Variants in ZFYVE26 observed in about 807,000 individuals in gnomAD.
The protein encoded by ZFYVE26 is zinc finger FYVE-type containing 26.
In ZFYVE26, 181 loss-of-function variants were observed where a neutral mutation model predicts 276.5. That is an observed-to-expected ratio of 0.65 (90% CI 0.58 to 0.74). The LOEUF (loss-of-function observed/expected upper bound fraction) is 0.74. Ranked by LOEUF, ZFYVE26 falls within the 30% of genes least tolerant of loss-of-function variation. ZFYVE26 has a pLI of 0.00. For missense variants in ZFYVE26, 2,821 were observed against 3,097.9 expected, an observed-to-expected ratio of 0.91 and a Z score of 2.12; for synonymous variants, 1,129 against 1,203.1, an observed-to-expected ratio of 0.94 and a Z score of 1.27.
Position 67,807,703 on chromosome 14 carries a change from A to G in ZFYVE26, c.581T>C (p.Val194Ala). 6.2e-7 allele frequency: 1 copy of G among 1,614,174 alleles called. No homozygotes were observed. The highest frequency in any genetic ancestry group is 8.5e-7 in the Non-Finnish European group (1 of 1,180,030). Residue 194 changes from valine to alanine, a missense_variant, in exon 5 of 42, where the codon GTG (valine) becomes GCG (alanine). Val to Ala is a moderately conservative substitution (Grantham distance 64). Transcript: ENST00000347230. The part of the protein sequence containing the change: ...LCHWPLQNAL[V>A]DLIRKALRAL... Reference sequence around the variant, plus strand: ...CCGCAATGCCTTTCGAATGAGGTCCACCAGTGCATTCTGCAGAGGCCAGTG... The same window carrying G: ...CCGCAATGCCTTTCGAATGAGGTCCGCCAGTGCATTCTGCAGAGGCCAGTG...
At chr14:67,752,641 G>T in intron 39 of ZFYVE26, 115 bp from the exon 40 acceptor site, 2 of 1,152,684 alleles carry the variant, frequency 1.7e-6, no homozygotes, top group South Asian at 1.3e-5. Context: ...ATTGATTGTG[G>T]TCACAGTAGA....
chr14:67,754,254 C>G (rs769697397), intron 37 of ZFYVE26, 42 bp from the exon 38 acceptor site: 2 of 1,613,646 alleles, frequency 1.2e-6, no homozygotes, highest in Admixed American at 3.3e-5. Flanking sequence ...CATGAGGGGC[C>G]CCAGGTGACT....
intron 13 of ZFYVE26, chr14:67,729,913 A>T (rs976500960): frequency 4.6e-6 from 2 of 431,184 alleles, no homozygotes; most frequent in African/African-American, 2.0e-5. Context: ...GCCCAGGGTG[A>T]AATCTCTTTC....
chr14:67,797,950 C>T (rs1339909483), intron 11 of ZFYVE26, 64 bp downstream of exon 11: 3 of 1,611,618 alleles, frequency 1.9e-6, no homozygotes, highest in Non-Finnish European at 2.5e-6. Context: ...TAGCTCTCTC[C>T]CATATTCCTG....
intron 9 of ZFYVE26, 114 bp downstream of exon 9, chr14:67,803,987 C>T: frequency 1.4e-6 from 2 of 1,442,756 alleles, no homozygotes; most frequent in Non-Finnish European, 9.7e-7. Context: ...GAGACCTCCT[C>T]ACCACCCTCT....
At chr14:67,789,766 T>C (rs565077704) in intron 15 of ZFYVE26, among the ~76,000 whole-genome samples, 168 bp from the exon 16 acceptor site, 2 of 152,140 alleles carry the variant, frequency 1.3e-5, no homozygotes, top group Non-Finnish European at 2.9e-5. Context: ...TTCAAAACAG[T>C]GGCATGAAAG....
At chr14:67,805,861 T>G (rs2040169634) in intron 6 of ZFYVE26, among the ~76,000 whole-genome samples, 2 of 152,096 alleles carry the variant, frequency 1.3e-5, no homozygotes, top group South Asian at 4.1e-4. Context: ...AAACCCTATC[T>G]CTACTAAAAA....
At position 67,762,219 on chromosome 14, in the gene ZFYVE26, C is replaced by G; in HGVS notation, c.6353G>C (p.Arg2118Thr). The G allele has an allele frequency of 6.2e-7, 1 of 1,614,168 alleles. No homozygotes were observed. Among genetic ancestry groups the G allele is most frequent in the South Asian group, 1.1e-5 (1 of 91,074 alleles). Reference protein sequence around the residue: ...DVVEYLESTVRPFVSLQDDDY... With the variant: ...DVVEYLESTVTPFVSLQDDDY... The stretch of plus-strand genomic sequence containing the variant: ...TGCTCTTACCAAGGATACAAAGGGC[C>G]TCACTGTGGACTCTAGGTACTCAAC... The change falls in exon 34 of 42, where the codon AGG (arginine) becomes ACG (threonine). Residue 2118 changes from arginine (R) to threonine (T), a missense_variant. Transcript: ENST00000347230.
Position 67,815,811 on chromosome 14 carries a change from T to G in ZFYVE26, c.153A>C (p.Glu51Asp). The change falls in exon 2 of 42, where the codon GAA becomes GAC. Residue 51 changes from glutamate to aspartate, a missense_variant. Transcript: ENST00000347230. Reference sequence around the variant, plus strand: ...ACACCACCAATGCCTGAAGTATGTCTTCTACCCTCTTTGGGATATCCCCTT... The same window carrying G: ...ACACCACCAATGCCTGAAGTATGTCGTCTACCCTCTTTGGGATATCCCCTT... ...EGQGDIPKRVEDILQALVVCP... is the reference protein window; with the variant it reads ...EGQGDIPKRVDDILQALVVCP... The G allele has an allele frequency of 6.2e-7, 1 of 1,613,914 alleles. No individual in the cohort carries two copies. Among genetic ancestry groups the G allele is most frequent in the Non-Finnish European group, 8.5e-7 (1 of 1,180,036 alleles).
chr14:67,784,166 C>T (rs1290810946), intron 20 of ZFYVE26, among the ~76,000 whole-genome samples, 168 bp downstream of exon 20: 2 of 152,096 alleles, frequency 1.3e-5, no homozygotes. Context: ...AGAGAGAAAG[C>T]AGGAAACAAG....
Position 67,805,562 on chromosome 14 carries a change from A to C in ZFYVE26, c.1074T>G (p.Leu358=). Reference sequence around the variant, plus strand: ...AACTGAGGGGCCTGAATTCTCTATCAAGTAGGCAGCCAAGATTTGGGAAGT... The same window carrying C: ...AACTGAGGGGCCTGAATTCTCTATCCAGTAGGCAGCCAAGATTTGGGAAGT... ...EEDFPNLGCL[L]DREFRPLSCL... The change falls in exon 7 of 42, where the codon CTT becomes CTG. Residue 358 remains leucine, a synonymous_variant. Coordinates refer to ENST00000347230, the MANE Select transcript of ZFYVE26 (RefSeq NM_015346.4). 6.2e-7 allele frequency: 1 copy of C among 1,614,152 alleles called. No individual in the cohort carries two copies. The highest frequency in any genetic ancestry group is 8.5e-7 in the Non-Finnish European group (1 of 1,180,022).
rs1280923155 is a variant in ZFYVE26 at position 67,761,579 on chromosome 14, A to ATC, written c.6373_6374dup (p.Asp2125GlufsTer9). 6.2e-7 allele frequency: 1 copy of ATC among 1,614,070 alleles called. No individual in the cohort carries two copies. On this transcript the variant is annotated frameshift_variant, in exon 35 of 42. Coordinates refer to ENST00000347230, the MANE Select transcript of ZFYVE26 (RefSeq NM_015346.4). LOFTEE classifies it high-confidence loss of function. Reference sequence around the variant, plus strand: ...CCCTCAGGGTGGCAAAGTAATCGTCATCTTGCTGACAGCACAGGGAGCGAG... The same window carrying ATC: ...CCCTCAGGGTGGCAAAGTAATCGTCATCTCTTGCTGACAGCACAGGGAGCGAG...
intron 16 of ZFYVE26, among the ~76,000 whole-genome samples, chr14:67,788,333 G>C (rs1479282875): frequency 6.6e-6 from 1 of 152,186 alleles, no homozygotes; most frequent in Non-Finnish European, 1.5e-5. Flanking sequence ...AAGTTGCAGT[G>C]AGCAGTGAGC....
At chr14:67,804,770 G>GT (rs1186727565) in intron 8 of ZFYVE26, among the ~76,000 whole-genome samples, 1 of 152,194 alleles carries the variant, frequency 6.6e-6, no homozygotes, top group Non-Finnish European at 1.5e-5. Flanking sequence ...CCAGGATAAC[G>GT]TAAGACTAAG....
chr14:67,807,949 T>C, intron 4 of ZFYVE26, 29 bp from the exon 5 acceptor site: 1 of 1,613,792 alleles, frequency 6.2e-7, no homozygotes, highest in Non-Finnish European at 8.5e-7. Flanking sequence ...AAAGGATGGG[T>C]GGTGGGCATG....
chr14:67,763,187 A>T (rs574320375), intron 32 of ZFYVE26, among the ~76,000 whole-genome samples: 1 of 152,174 alleles, frequency 6.6e-6, no homozygotes, highest in South Asian at 2.1e-4. Flanking sequence ...TTACAGGCCT[A>T]CTCCATTTTC....
In ZFYVE26 at chr14:67,735,401, A is replaced by C. The variant is rs566239799; in HGVS notation, n.2680-5582T>G. The C allele has an allele frequency of 3.3e-5, 22 of 664,230 alleles. No individual in the cohort carries two copies. In the South Asian group the frequency reaches 3.5e-4, roughly 11 times the overall value. 41.1% of individuals were successfully genotyped at this position (664,230 alleles called of 1,614,324 possible). A position where few individuals can be genotyped will look rare whatever the true frequency, so the allele number is the denominator to read the frequency against. The stretch of plus-strand genomic sequence containing the variant: ...TGGCCTCTTGTCATGTTTCCAGAAA[A>C]GACTTGCCGCAAGTTAACATCTGAG... On this transcript the variant is annotated intron_variant and non_coding_transcript_variant, in intron 13 of 14. Transcript: ENST00000394455.
intron 23 of ZFYVE26, among the ~76,000 whole-genome samples, chr14:67,778,784 G>T (rs1360274941): frequency 6.6e-6 from 1 of 150,654 alleles, no homozygotes; most frequent in Non-Finnish European, 1.5e-5. Flanking sequence ...CTAGGGCTTT[G>T]TTCAAATATT....
At chr14:67,777,096 C>T (rs746919850) in intron 25 of ZFYVE26, among the ~76,000 whole-genome samples, 3 of 152,240 alleles carry the variant, frequency 2.0e-5, no homozygotes, top group Non-Finnish European at 2.9e-5. Context: ...ATCAAGCAGT[C>T]GTTTTAAATC....
Sources: gnomAD v4.1 joint callset for allele counts (sites outside exome capture counted in the v4.1 genomes callset) on GRCh38, gnomAD v4.1.1 for gene constraint, MANE v1.5 for transcripts, NCBI Gene and HGNC (gene_info 2026-07-23, HGNC 2026-07-21) for gene names.